Variants in AXL observed in about 807,000 individuals in gnomAD.
The protein encoded by AXL is AXL receptor tyrosine kinase, also known as tyrosine-protein kinase receptor UFO.
Under a neutral mutation model 104.5 loss-of-function variants are expected in AXL, and 52 were observed. The observed-to-expected ratio is 0.50, with a 90% CI of 0.40 to 0.63. The LOEUF is 0.63. AXL is among the 20% of genes least tolerant of loss of function. The pLI is 0.00. For synonymous variants in AXL, 455 were observed against 473.7 expected, an observed-to-expected ratio of 0.96 and a Z score of 0.51; for missense variants, 1,024 against 1,188.5, an observed-to-expected ratio of 0.86 and a Z score of 2.04.
Position 41,238,029 on chromosome 19 carries a change from C to G in AXL, c.869C>G (p.Pro290Arg), listed in dbSNP as rs750359676. The G allele has an allele frequency of 1.2e-6, 2 of 1,613,806 alleles. No individual in the cohort carries two copies. Among genetic ancestry groups the G allele is most frequent in the Admixed American group, 1.7e-5 (1 of 59,960 alleles). Residue 290 changes from proline (P) to arginine (R), a missense_variant, in exon 7 of 20, where the codon CCC becomes CGC. Coordinates refer to ENST00000301178, the MANE Select transcript of AXL (RefSeq NM_021913.5). ...EEPLTSQASV[P>R]PHQLRLGSLH... Reference sequence around the variant, plus strand: ...CCCCTCACCTCGCAAGCATCCGTGCCCCCCCATCAGCTTCGGCTAGGCAGC... The same window carrying G: ...CCCCTCACCTCGCAAGCATCCGTGCGCCCCCATCAGCTTCGGCTAGGCAGC...
chr19:41,256,491 G>C lies in AXL; in HGVS notation c.2076G>C (p.Gly692=). 6.2e-7 allele frequency: 1 copy of C among 1,614,116 alleles called. No individual in the cohort carries two copies. Among genetic ancestry groups the C allele is most frequent in the Non-Finnish European group, 8.5e-7 (1 of 1,179,988 alleles). ...ENMSVCVADF[G]LSKKIYNGDY... ...TGTCCGTGTGTGTGGCGGACTTCGG[G>C]CTCTCCAAGAAGATCTACAATGGGG... is the stretch of plus-strand genomic sequence containing the variant. Residue 692 remains glycine (G), a synonymous_variant, in exon 18 of 20, where the codon GGG becomes GGC. Transcript: ENST00000301178.
chr19:41,219,622 G>A (rs999518843), intron 1 of AXL, 145 bp downstream of exon 1: 3 of 907,352 alleles, frequency 3.3e-6, no homozygotes, highest in Non-Finnish European at 5.0e-6. Flanking sequence ...TTCAAGGGAG[G>A]GAGACACAGA....
chr19:41,243,294 C>T (rs2034215353), intron 11 of AXL, among the ~76,000 whole-genome samples: 1 of 152,216 alleles, frequency 6.6e-6, no homozygotes, highest in African/African-American at 2.4e-5. Context: ...TAGGCACACG[C>T]CTGTGGTCCC....
chr19:41,253,751 A>T (rs2034408486), intron 17 of AXL, 43 bp downstream of exon 17: 1 of 1,463,400 alleles, frequency 6.8e-7, no homozygotes, highest in South Asian at 1.2e-5. Flanking sequence ...CTGCTCCTGC[A>T]CTCCCTGAGG....
At chr19:41,234,156 T>C (rs1270347883) in intron 6 of AXL, among the ~76,000 whole-genome samples, 3 of 151,992 alleles carry the variant, frequency 2.0e-5, no homozygotes, top group African/African-American at 7.2e-5. Context: ...TCTCCCTCCA[T>C]GGGGGCTGTG....
At chr19:41,223,600 T>C (rs11083613) in intron 4 of AXL, among the ~76,000 whole-genome samples, 36,858 of 152,050 alleles carry the variant, frequency 0.24, 4,856 homozygotes, top group East Asian at 0.51. Context: ...AGGGGCCTTC[T>C]GACTGGGGGT....
In AXL at chr19:41,237,391, C is replaced by T. The variant is rs1024734160; in HGVS notation, c.784-553C>T. The stretch of plus-strand genomic sequence containing the variant: ...CCGAGTAGCTGGGATTACAGGCGAG[C>T]GCCACCACATCCAGCTAATTTTTTA... On this transcript the variant is annotated intron_variant, in intron 6 of 19. Transcript: ENST00000301178. Among the ~76,000 whole-genome samples the T allele has an allele frequency of 5.3e-5, 8 of 151,976 alleles. No individual in the cohort carries two copies. The East Asian group carries it at 5.8e-4, about 11-fold the overall frequency.
intron 10 of AXL, 74 bp from the exon 11 acceptor site, chr19:41,242,809 A>G: frequency 6.3e-7 from 1 of 1,588,664 alleles, no homozygotes; most frequent in South Asian, 1.1e-5. Flanking sequence ...CCTCCCTCCC[A>G]CATCACCCCT....
At position 41,259,988 on chromosome 19, in the gene AXL, C is replaced by A; in HGVS notation, c.*84C>A. 1 of 1,274,840 alleles carries A rather than the reference C, an allele frequency of 7.8e-7. No individual in the cohort carries two copies. Among genetic ancestry groups the A allele is most frequent in the South Asian group, 1.5e-5 (1 of 64,974 alleles). 79.0% of individuals were successfully genotyped at this position (1,274,840 alleles called of 1,614,324 possible). A position where few individuals can be genotyped will look rare whatever the true frequency, so the allele number is the denominator to read the frequency against. ...AAACTCCACCTTCCCACTTTCCCAC[C>A]CCACGCCTTATCCCCACTTGCAGCC... On this transcript the variant is annotated 3_prime_UTR_variant, in exon 20 of 20. Transcript: ENST00000301178.
chr19:41,251,715 A>G (rs968249143), intron 14 of AXL, among the ~76,000 whole-genome samples: 3 of 152,040 alleles, frequency 2.0e-5, no homozygotes, highest in African/African-American at 7.2e-5. Context: ...CCCTGTCTCA[A>G]AAAATAAAAA....
At chr19:41,254,520 C>CA (rs926969494) in intron 17 of AXL, among the ~76,000 whole-genome samples, 27 of 146,304 alleles carry the variant, frequency 1.8e-4, no homozygotes, top group South Asian at 1.5e-3. Context: ...GACACCATCT[C>CA]AAAAAAAAAG....
At chr19:41,257,078 C>T (rs1599744504) in intron 18 of AXL, among the ~76,000 whole-genome samples, 1 of 152,096 alleles carries the variant, frequency 6.6e-6, no homozygotes, top group Admixed American at 6.6e-5. Context: ...GAGTCTCGCA[C>T]TGTCACCCAG....
chr19:41,246,083 T>G (rs2034266255), intron 12 of AXL, among the ~76,000 whole-genome samples: 1 of 152,192 alleles, frequency 6.6e-6, no homozygotes, highest in Non-Finnish European at 1.5e-5. Context: ...TTCCAGAGGC[T>G]CCCTGACGTG....
chr19:41,224,709 G>A (rs1355863515), intron 4 of AXL, among the ~76,000 whole-genome samples: 1 of 152,056 alleles, frequency 6.6e-6, no homozygotes, highest in Non-Finnish European at 1.5e-5. Context: ...AGCTTTCTGT[G>A]TGTGTCCATA....
chr19:41,234,043 C>T (rs556660688), intron 6 of AXL, among the ~76,000 whole-genome samples: 1 of 152,176 alleles, frequency 6.6e-6, no homozygotes, highest in Admixed American at 6.5e-5. Context: ...GTTCCTCTTC[C>T]TGTCTGTCAC....
At chr19:41,227,758 G>A (rs1412219628) in intron 4 of AXL, among the ~76,000 whole-genome samples, 1 of 152,006 alleles carries the variant, frequency 6.6e-6, no homozygotes, top group African/African-American at 2.4e-5. Flanking sequence ...CAAAGTGCTG[G>A]GATTACAGAT....
intron 8 of AXL, among the ~76,000 whole-genome samples, 200 bp downstream of exon 8, chr19:41,238,809 G>C (rs1488201992): frequency 1.3e-5 from 2 of 152,108 alleles, no homozygotes; most frequent in Non-Finnish European, 2.9e-5. Flanking sequence ...GGCTGTTTTT[G>C]AACCACTGCA....
chr19:41,238,220 C>A, intron 7 of AXL, 66 bp downstream of exon 7: 1 of 1,550,780 alleles, frequency 6.4e-7, no homozygotes, highest in Non-Finnish European at 8.9e-7. Flanking sequence ...TCAGTGCCAC[C>A]CCCATTGTCC....
rs1176475771 is a variant in AXL at position 41,253,592 on chromosome 19, TC to T, written c.1927-3del. 6.2e-7 allele frequency: 1 copy of T among 1,610,240 alleles called. No homozygotes were observed. Among genetic ancestry groups the T allele is most frequent in the South Asian group, 1.1e-5 (1 of 90,510 alleles). On this transcript the variant is annotated splice_region_variant and splice_polypyrimidine_tract_variant and intron_variant, in intron 16 of 19. Transcript: ENST00000301178. Reference sequence around the variant, plus strand: ...GACCTCTCCTCCCACCTGCCTTGGCTCCCCAGTACCTGCCCACTCAGATGCT... The same window carrying T: ...GACCTCTCCTCCCACCTGCCTTGGCTCCCAGTACCTGCCCACTCAGATGCT...
Sources: allele counts gnomAD v4.1 joint callset (sites outside exome capture counted in the v4.1 genomes callset), GRCh38; gene constraint gnomAD v4.1.1; transcripts MANE v1.5; gene names NCBI Gene and HGNC (gene_info 2026-07-23, HGNC 2026-07-21).